The following LRMDA variants were observed in gnomAD, a reference collection of about 807,000 sequenced individuals.
LRMDA encodes the protein leucine rich melanocyte differentiation associated, also known as leucine-rich melanocyte differentiation-associated protein.
Under a neutral mutation model 29.8 loss-of-function variants are expected in LRMDA, and 18 were observed. The observed-to-expected ratio is 0.60, with a 90% CI of 0.42 to 0.90. The LOEUF (loss-of-function observed/expected upper bound fraction) is 0.90. Ranked by LOEUF, LRMDA falls within the 40% of genes least tolerant of loss-of-function variation. The pLI is 0.00. For synonymous variants in LRMDA, 125 were observed against 109.4 expected, an observed-to-expected ratio of 1.14 and a Z score of -0.89; for missense variants, 273 against 273.9, an observed-to-expected ratio of 1.00 and a Z score of 0.02.
intron 6 of LRMDA, among the ~76,000 whole-genome samples, chr10:76,461,506 C>A (rs910805990): frequency 3.3e-5 from 5 of 152,220 alleles, no homozygotes; most frequent in Non-Finnish European, 7.3e-5. Flanking sequence ...ATTGTACTTA[C>A]TGGTTCTTAG....
intron 2 of LRMDA, among the ~76,000 whole-genome samples, chr10:75,662,672 T>C (rs985590902): frequency 2.0e-5 from 3 of 152,240 alleles, no homozygotes; most frequent in African/African-American, 4.8e-5. Flanking sequence ...AAATATTTCA[T>C]CAGTGTAGCT....
At chr10:76,263,521 T>G (rs1290001607) in intron 5 of LRMDA, among the ~76,000 whole-genome samples, 1 of 152,192 alleles carries the variant, frequency 6.6e-6, no homozygotes, top group East Asian at 1.9e-4. Context: ...AAGATATTTC[T>G]CCATAGCACA....
At chr10:76,553,865 T>C (rs1843523983) in intron 6 of LRMDA, among the ~76,000 whole-genome samples, 1 of 152,126 alleles carries the variant, frequency 6.6e-6, no homozygotes, top group Non-Finnish European at 1.5e-5. Context: ...CACCAGCAGC[T>C]GGATCTCATT....
At chr10:75,533,357 AG>A (rs1845500227) in intron 2 of LRMDA, among the ~76,000 whole-genome samples, 1 of 152,232 alleles carries the variant, frequency 6.6e-6, no homozygotes, top group Non-Finnish European at 1.5e-5. Flanking sequence ...GGTAACAATT[AG>A]GGGTGGGGTA....
chr10:76,401,146 T>C (rs1355447705), intron 6 of LRMDA, among the ~76,000 whole-genome samples: 2 of 152,168 alleles, frequency 1.3e-5, no homozygotes, highest in Non-Finnish European at 2.9e-5. Flanking sequence ...TCCATGCCCT[T>C]GAGCTTCCAA....
intron 6 of LRMDA, among the ~76,000 whole-genome samples, chr10:76,514,965 A>G (rs1444594988): frequency 1.3e-5 from 2 of 152,180 alleles, no homozygotes; most frequent in African/African-American, 2.4e-5. Context: ...CTGCTAATAA[A>G]TGGATGTGCA....
chr10:75,738,358 G>A (rs946416445), intron 2 of LRMDA, among the ~76,000 whole-genome samples: 1 of 152,028 alleles, frequency 6.6e-6, no homozygotes, highest in African/African-American at 2.4e-5. Flanking sequence ...CCACTCTTTG[G>A]TTTCACAGAG....
Position 76,559,382 on chromosome 10 carries a change from G to A in LRMDA, c.*2094G>A, listed in dbSNP as rs566492476. On this transcript the variant is annotated 3_prime_UTR_variant, in exon 7 of 7. Transcript: ENST00000611255. ...CACATTGTTTCCCTCTCTTTGGGTT[G>A]TTTATTTTCTTCCAGAATGGTGTAA... 3.9e-5 allele frequency: 6 copies of A among 152,210 alleles called. No homozygotes were observed. The highest frequency in any genetic ancestry group is 7.4e-5 in the Non-Finnish European group (5 of 68,012). 9.4% of individuals were successfully genotyped at this position (152,210 alleles called of 1,614,324 possible). A position where few individuals can be genotyped will look rare whatever the true frequency, so the allele number is the denominator to read the frequency against.
chr10:75,871,289 A>G (rs1309267083), intron 2 of LRMDA, among the ~76,000 whole-genome samples: 1 of 152,134 alleles, frequency 6.6e-6, no homozygotes, highest in Non-Finnish European at 1.5e-5. Flanking sequence ...AAGTTACTGC[A>G]AGAGTCTGTC....
chr10:75,438,473 A>C lies in LRMDA; in HGVS notation c.110A>C (p.Asp37Ala). ...TGTGGACATTTCGCAAAGAGGCTTG[A>C]TCTGAGCTTTAACCTTCTGAGGTAT... ...RDCGHFAKRL[D>A]LSFNLLRSLE... The change falls in exon 2 of 7, where the codon GAT (aspartate) becomes GCT (alanine). Residue 37 changes from aspartate (D) to alanine (A), a missense_variant. By Grantham distance (126) the Asp-to-Ala change is moderately radical (BLOSUM62 -2). Transcript: ENST00000611255. The C allele has an allele frequency of 6.4e-7, 1 of 1,550,736 alleles. No individual in the cohort carries two copies. Among genetic ancestry groups the C allele is most frequent in the Non-Finnish European group, 8.7e-7 (1 of 1,147,014 alleles).
intron 6 of LRMDA, among the ~76,000 whole-genome samples, chr10:76,424,055 C>T (rs920637603): frequency 1.3e-5 from 2 of 152,178 alleles, no homozygotes; most frequent in Admixed American, 1.3e-4. Flanking sequence ...GGGACTTACC[C>T]TTCCATTCCA....
At chr10:75,750,916 C>T (rs1459452866) in intron 2 of LRMDA, among the ~76,000 whole-genome samples, 3 of 152,154 alleles carry the variant, frequency 2.0e-5, no homozygotes, top group South Asian at 4.1e-4. Context: ...GACGGGGTGG[C>T]GGCCGGGCAG....
At chr10:76,381,757 C>G (rs1338427871) in intron 6 of LRMDA, among the ~76,000 whole-genome samples, 1 of 152,304 alleles carries the variant, frequency 6.6e-6, no homozygotes, top group African/African-American at 2.4e-5. Flanking sequence ...AACCTACACT[C>G]CTGTGTACCA....
intron 2 of LRMDA, among the ~76,000 whole-genome samples, chr10:75,681,174 T>G (rs1286777213): frequency 6.6e-6 from 1 of 152,202 alleles, no homozygotes; most frequent in Non-Finnish European, 1.5e-5. Flanking sequence ...ACTTATTTTG[T>G]GTTAATTTCC....
chr10:75,751,098 G>C (rs921168520), intron 2 of LRMDA, among the ~76,000 whole-genome samples: 3 of 152,216 alleles, frequency 2.0e-5, no homozygotes, highest in African/African-American at 7.2e-5. Flanking sequence ...CAGATCACTC[G>C]CGGTCAGGAG....
chr10:76,129,200 C>T (rs1162211507), intron 5 of LRMDA, among the ~76,000 whole-genome samples: 2 of 152,114 alleles, frequency 1.3e-5, no homozygotes, highest in Admixed American at 6.5e-5. Flanking sequence ...TGCTGGCCCA[C>T]CCATTATTGT....
At chr10:75,830,831 G>T (rs561532160) in intron 2 of LRMDA, among the ~76,000 whole-genome samples, 84 of 152,258 alleles carry the variant, frequency 5.5e-4, no homozygotes, top group Non-Finnish European at 7.2e-4. Context: ...ACTCATTTTA[G>T]CATTAACTCA....
intron 6 of LRMDA, among the ~76,000 whole-genome samples, chr10:76,444,903 A>G (rs1253923822): frequency 1.3e-5 from 2 of 152,140 alleles, no homozygotes; most frequent in Non-Finnish European, 2.9e-5. Context: ...CTATAATTGT[A>G]TTCATGTACA....
At chr10:75,753,531 G>A (rs548433951) in intron 2 of LRMDA, among the ~76,000 whole-genome samples, 2 of 152,248 alleles carry the variant, frequency 1.3e-5, no homozygotes, top group Admixed American at 1.3e-4. Context: ...GACAGCATGT[G>A]CAAAGGCCCC....
Sources: allele counts gnomAD v4.1 joint callset (sites outside exome capture counted in the v4.1 genomes callset), GRCh38; gene constraint gnomAD v4.1.1; transcripts MANE v1.5; gene names NCBI Gene and HGNC (gene_info 2026-07-23, HGNC 2026-07-21).